TC2N: variants seen among roughly 807,000 people sequenced by gnomAD.
TC2N encodes the protein tandem C2 domains nuclear protein.
In TC2N, 51 loss-of-function variants were observed where a neutral mutation model predicts 61.9. The ratio of observed to expected loss-of-function variants is 0.82; its 90% CI spans 0.66 to 1.04. The LOEUF (loss-of-function observed/expected upper bound fraction) is 1.04. TC2N is among the 50% of genes least tolerant of loss of function. TC2N has a pLI of 0.00. For synonymous variants in TC2N, 204 were observed against 192.6 expected (o/e 1.06, Z -0.49); for missense variants, 556 against 566.7 (o/e 0.98, Z 0.19).
At chr14:91,824,463 G>C (rs995410753) in intron 1 of TC2N, among the ~76,000 whole-genome samples, 2 of 152,112 alleles carry the variant, frequency 1.3e-5, no homozygotes, top group Non-Finnish European at 2.9e-5. Context: ...TTTTCCTCTG[G>C]TATTTCCTAC....
chr14:91,826,944 C>T (rs778119260), intron 1 of TC2N, among the ~76,000 whole-genome samples: 2 of 151,916 alleles, frequency 1.3e-5, no homozygotes, highest in Non-Finnish European at 2.9e-5. Flanking sequence ...ATTTGTTTAC[C>T]AACCTTTCTG....
intron 3 of TC2N, among the ~76,000 whole-genome samples, chr14:91,802,740 A>G (rs915847849): frequency 6.7e-6 from 1 of 148,988 alleles, no homozygotes; most frequent in Non-Finnish European, 1.5e-5. Flanking sequence ...TTAAATTACA[A>G]GATTGGGGGG....
At chr14:91,800,223 G>T in intron 5 of TC2N, 58 bp downstream of exon 5, 1 of 1,092,482 alleles carries the variant, frequency 9.2e-7, no homozygotes, top group Non-Finnish European at 1.3e-6. Flanking sequence ...ATACATTTCT[G>T]AATTTTTAAT....
chr14:91,859,078 C>T (rs183690958), intron 1 of TC2N, among the ~76,000 whole-genome samples: 2,733 of 152,198 alleles, frequency 0.018, 83 homozygotes, highest in African/African-American at 0.062. Context: ...AGCTTCTCAC[C>T]GCAAGGGGTC....
chr14:91,792,831 CT>C (rs992127345), intron 8 of TC2N, among the ~76,000 whole-genome samples: 5 of 152,094 alleles, frequency 3.3e-5, no homozygotes, highest in Non-Finnish European at 7.4e-5. Flanking sequence ...AGCTTTTTCC[CT>C]TTTTGAAAAT....
At chr14:91,786,602 T>C (rs1005440939) in intron 10 of TC2N, among the ~76,000 whole-genome samples, 2 of 152,206 alleles carry the variant, frequency 1.3e-5, no homozygotes, top group Non-Finnish European at 1.5e-5. Flanking sequence ...ACTGCTGAAT[T>C]TCTCAGAAAG....
At chr14:91,813,637 T>A (rs764928822) in intron 2 of TC2N, 66 bp downstream of exon 2, 2 of 1,154,970 alleles carry the variant, frequency 1.7e-6, no homozygotes, top group Non-Finnish European at 2.6e-6. Flanking sequence ...TAATTCTTTA[T>A]ATTACAAAAT....
chr14:91,865,391 A>T (rs28689048), intron 1 of TC2N, among the ~76,000 whole-genome samples: 1,257 of 97,054 alleles, frequency 0.013, 21 homozygotes, highest in South Asian at 0.098. Flanking sequence ...TTTTTTTTTT[A>T]AAAAAACATC....
intron 3 of TC2N, among the ~76,000 whole-genome samples, chr14:91,802,744 T>TGGG (rs58734552): frequency 1.7e-4 from 26 of 150,492 alleles, no homozygotes; most frequent in African/African-American, 5.7e-4. Context: ...ATTACAAGAT[T>TGGG]GGGGGGGGAG....
rs146691559 is a variant in TC2N, at chr14:91,787,262, T to G, written c.1162+251A>C. 2.0e-5 allele frequency among the ~76,000 whole-genome samples: 3 copies of G among 152,270 alleles called. No individual in the cohort carries two copies. In the East Asian group the frequency reaches 5.8e-4, roughly 29 times the overall value. On this transcript the variant is annotated intron_variant, in intron 10 of 11. Transcript: ENST00000435962. ...AAATCCTCTAGACATTCAACCTGTA[T>G]GAACTGATGAGCTAAATAAAAAACA...
At position 91,847,045 on chromosome 14, in the gene TC2N, G is replaced by T. The variant is rs916461321; in HGVS notation, c.-57+20217C>A. On this transcript the variant is annotated intron_variant, in intron 1 of 11. Transcript: ENST00000435962. ...GGCCGAGGCAGGCGGATCACCTGAG[G>T]TCAGGAGTTCAAGACCAGCCTGGCC... Among the ~76,000 whole-genome samples, 4 of 152,288 alleles carry T rather than the reference G, an allele frequency of 2.6e-5. No homozygotes were observed. In the South Asian group the frequency reaches 8.3e-4, roughly 32 times the overall value.
chr14:91,800,271 G>C lies in TC2N; in HGVS notation c.561+10C>G. 6.5e-7 allele frequency: 1 copy of C among 1,528,822 alleles called. No individual in the cohort carries two copies. 94.7% of individuals were successfully genotyped at this position (1,528,822 alleles called of 1,614,324 possible). A position where few individuals can be genotyped will look rare whatever the true frequency, so the allele number is the denominator to read the frequency against. Reference sequence around the variant, plus strand: ...TATCACATATAATTAAATTTATGTAGATAATTCACCTGGATGAATCGCTGA... The same window carrying C: ...TATCACATATAATTAAATTTATGTACATAATTCACCTGGATGAATCGCTGA... On this transcript the variant is annotated intron_variant, in intron 5 of 11. Coordinates refer to ENST00000435962, the MANE Select transcript of TC2N (RefSeq NM_001128596.3).
intron 1 of TC2N, among the ~76,000 whole-genome samples, chr14:91,845,716 C>T (rs1888257291): frequency 1.3e-5 from 2 of 152,188 alleles, no homozygotes; most frequent in South Asian, 4.1e-4. Flanking sequence ...TAAGGTAGCC[C>T]AGACACCCCT....
At chr14:91,812,579 G>A in intron 2 of TC2N, 34 bp from the exon 3 acceptor site, 1 of 1,062,710 alleles carries the variant, frequency 9.4e-7, no homozygotes, top group Non-Finnish European at 1.4e-6. Context: ...TCACAAATAT[G>A]AATATAGGTT....
At chr14:91,834,662 C>T (rs1235366689) in intron 1 of TC2N, among the ~76,000 whole-genome samples, 1 of 152,116 alleles carries the variant, frequency 6.6e-6, no homozygotes, top group Non-Finnish European at 1.5e-5. Context: ...AGCCCCCATC[C>T]TAACTTCCAA....
At chr14:91,841,033 G>A (rs7141550) in intron 1 of TC2N, among the ~76,000 whole-genome samples, 145,698 of 152,268 alleles carry the variant, frequency 0.96, 70,053 homozygotes, top group East Asian at 1. Context: ...GTGTAAATGA[G>A]AAATATTCAG....
intron 3 of TC2N, among the ~76,000 whole-genome samples, chr14:91,810,160 C>T (rs1300647397): frequency 6.6e-6 from 1 of 152,058 alleles, no homozygotes. Flanking sequence ...AGTGGAGGTG[C>T]CAGGCTCTTT....
At chr14:91,829,701 A>G (rs1010636899) in intron 1 of TC2N, among the ~76,000 whole-genome samples, 20 of 152,062 alleles carry the variant, frequency 1.3e-4, no homozygotes, top group Non-Finnish European at 2.5e-4. Context: ...CATTCTGCCA[A>G]TTCTTGCTCA....
At chr14:91,859,915 G>C (rs1289817478) in intron 1 of TC2N, among the ~76,000 whole-genome samples, 2 of 152,182 alleles carry the variant, frequency 1.3e-5, no homozygotes, top group East Asian at 3.8e-4. Context: ...TCTAAAGGAG[G>C]GGAAAGTGGT....
Sources: allele counts gnomAD v4.1 joint callset (sites outside exome capture counted in the v4.1 genomes callset), GRCh38; gene constraint gnomAD v4.1.1; transcripts MANE v1.5; gene names NCBI Gene and HGNC (gene_info 2026-07-23, HGNC 2026-07-21).